PLCE1: variants seen among roughly 807,000 people sequenced by gnomAD.
PLCE1 encodes 1-phosphatidylinositol 4,5-bisphosphate phosphodiesterase epsilon-1.
PLCE1 carries 119 observed loss-of-function variants against 242.8 expected under a neutral mutation model. The ratio of observed to expected loss-of-function variants is 0.49; its 90% CI spans 0.42 to 0.57. The LOEUF is 0.57. Ranked by LOEUF, PLCE1 falls within the 20% of genes least tolerant of loss-of-function variation. The probability of loss-of-function intolerance (pLI) is 0.00; values close to 1 mark genes in which losing one functional copy is unlikely to be tolerated. For missense variants in PLCE1, 2,441 were observed against 2,788.8 expected, an observed-to-expected ratio of 0.88 and a Z score of 2.81; for synonymous variants, 945 against 1,017.4, an observed-to-expected ratio of 0.93 and a Z score of 1.35.
At chr10:94,107,218 T>G (rs1038153715) in intron 2 of PLCE1, 3 of 152,020 alleles carry the variant, frequency 2.0e-5, no homozygotes, top group African/African-American at 7.3e-5. Flanking sequence ...TGAGTGTGAT[T>G]AAGAAAGGAA....
chr10:94,138,748 T>C, intron 3 of PLCE1: 1 of 247,378 alleles, frequency 4.0e-6, no homozygotes, highest in Non-Finnish European at 7.9e-6. Context: ...TCCCATATAA[T>C]GACTACTTCA....
intron 32 of PLCE1, among the ~76,000 whole-genome samples, chr10:94,327,000 A>C (rs1175398160): frequency 1.3e-5 from 2 of 152,022 alleles, no homozygotes; most frequent in Non-Finnish European, 2.9e-5. Context: ...CTCTACTAAA[A>C]ATACAACAAC....
intron 2 of PLCE1, among the ~76,000 whole-genome samples, chr10:94,045,643 G>C (rs1443487949): frequency 6.6e-6 from 1 of 152,094 alleles, no homozygotes; most frequent in Admixed American, 6.5e-5. Context: ...TCACCTAGTA[G>C]GTTCTCTGTT....
chr10:94,279,010 A>T (rs1184417705), intron 19 of PLCE1, among the ~76,000 whole-genome samples: 1 of 152,044 alleles, frequency 6.6e-6, no homozygotes, highest in Non-Finnish European at 1.5e-5. Flanking sequence ...ATTTTTTCAT[A>T]TCTCATTCTC....
intron 23 of PLCE1, among the ~76,000 whole-genome samples, chr10:94,294,662 A>G (rs533250307): frequency 1.3e-5 from 2 of 152,312 alleles, no homozygotes; most frequent in Admixed American, 1.3e-4. Flanking sequence ...AAAATACTTT[A>G]TTGATACAAA....
At position 94,246,436 on chromosome 10, in the gene PLCE1, G is replaced by A; in HGVS notation, c.2911G>A (p.Gly971Ser). The A allele has an allele frequency of 1.2e-6, 2 of 1,614,180 alleles. No homozygotes were observed. The highest frequency in any genetic ancestry group is 1.7e-6 in the Non-Finnish European group (2 of 1,180,022). ...GGGTAGCATGTTCCTGTCAGAGACT[G>A]GTGTGACATTGCTCTATGGGCTTCA... ...KLGSMFLSET[G>S]VTLLYGLQTT... The change falls in exon 8 of 33, where the codon GGT becomes AGT. Residue 971 changes from glycine (G) to serine (S), a missense_variant. Physicochemically the swap from Gly to Ser is moderately conservative, Grantham distance 56. Coordinates refer to ENST00000371380, the MANE Select transcript of PLCE1 (RefSeq NM_016341.4).
Position 94,240,301 on chromosome 10 carries a change from C to A in PLCE1, c.2420+4181C>A, listed in dbSNP as rs966153803. On this transcript the variant is annotated intron_variant, in intron 7 of 32. Coordinates refer to ENST00000371380, the MANE Select transcript of PLCE1 (RefSeq NM_016341.4). The stretch of plus-strand genomic sequence containing the variant: ...CTTTAAGCAAACACTGCTCTAAATT[C>A]TTTCCATATATTAAACTATTTAATC... Among the ~76,000 whole-genome samples, 2 of 152,150 alleles carry A rather than the reference C, an allele frequency of 1.3e-5. 1 individual carries two copies. Among genetic ancestry groups the A allele is most frequent in the South Asian group, 4.1e-4 (2 of 4,832 alleles).
intron 2 of PLCE1, among the ~76,000 whole-genome samples, chr10:94,043,547 C>G (rs2134667169): frequency 6.6e-6 from 1 of 152,246 alleles, no homozygotes; most frequent in Non-Finnish European, 1.5e-5. Context: ...GGGAGCCAGC[C>G]TGTGGGAGTT....
intron 2 of PLCE1, among the ~76,000 whole-genome samples, chr10:94,049,122 T>C (rs1313926199): frequency 1.3e-5 from 2 of 152,134 alleles, no homozygotes; most frequent in South Asian, 2.1e-4. Context: ...CTTTCTCCTA[T>C]ATTTTAATTG....
chr10:94,144,361 T>C (rs903714602), intron 3 of PLCE1, among the ~76,000 whole-genome samples: 1 of 152,162 alleles, frequency 6.6e-6, no homozygotes, highest in South Asian at 2.1e-4. Flanking sequence ...AATCTTAGAT[T>C]TGAATGGAGG....
chr10:94,232,434 C>A (rs2050176916), intron 5 of PLCE1, among the ~76,000 whole-genome samples: 1 of 152,070 alleles, frequency 6.6e-6, no homozygotes, highest in Middle Eastern at 3.2e-3. Context: ...TGGGTGTCTG[C>A]AGAAAAGAAG....
In PLCE1 at chr10:94,324,526, G is replaced by A. The variant is rs542110825; in HGVS notation, c.6679G>A (p.Gly2227Ser). 1 of 1,614,128 alleles carries A rather than the reference G, an allele frequency of 6.2e-7. No individual in the cohort carries two copies. The highest frequency in any genetic ancestry group is 1.3e-5 in the African/African-American group (1 of 75,030). Residue 2227 changes from glycine (G) to serine (S), a missense_variant, in exon 31 of 33, where the codon GGT becomes AGT. Transcript: ENST00000371380. ...GTTTCAAGCCCAAAGCAAGTGGAAA[G>A]GTGCAGGAAAATTCATCCTTAAGCT... Reference protein sequence around the residue: ...CVFQAQSKWKGAGKFILKLKE... With the variant: ...CVFQAQSKWKSAGKFILKLKE...
chr10:94,310,475 G>GT (rs1320151234), intron 27 of PLCE1, among the ~76,000 whole-genome samples: 1 of 152,114 alleles, frequency 6.6e-6, no homozygotes, highest in African/African-American at 2.4e-5. Flanking sequence ...CCAGGCATCA[G>GT]TTTTTTTAAG....
At chr10:94,072,928 G>A (rs2044401561) in intron 2 of PLCE1, among the ~76,000 whole-genome samples, 1 of 152,120 alleles carries the variant, frequency 6.6e-6, no homozygotes, top group South Asian at 2.1e-4. Context: ...GCTGATGGGG[G>A]AGAGGGTGTA....
intron 1 of PLCE1, among the ~76,000 whole-genome samples, chr10:94,007,186 G>A (rs192933869): frequency 6.6e-5 from 10 of 152,252 alleles, no homozygotes; most frequent in African/African-American, 2.4e-4. Flanking sequence ...GAGAGGACAG[G>A]AGTCTGGTTT....
At chr10:94,198,460 A>G (rs958004131) in intron 4 of PLCE1, among the ~76,000 whole-genome samples, 10 of 152,216 alleles carry the variant, frequency 6.6e-5, no homozygotes, top group Admixed American at 6.5e-5. Flanking sequence ...TATAATTTAC[A>G]TACAATAGAA....
intron 20 of PLCE1, among the ~76,000 whole-genome samples, chr10:94,280,785 C>T (rs2052179819): frequency 1.3e-5 from 2 of 152,272 alleles, no homozygotes; most frequent in South Asian, 4.1e-4. Flanking sequence ...TTGTCTCATG[C>T]ATTAAGACAA....
intron 4 of PLCE1, among the ~76,000 whole-genome samples, chr10:94,218,277 T>C (rs1023465696): frequency 6.6e-6 from 1 of 152,176 alleles, no homozygotes; most frequent in South Asian, 2.1e-4. Flanking sequence ...ATTACATTGT[T>C]AGTTTTAAAA....
chr10:94,027,483 T>C (rs1030072376), intron 1 of PLCE1, among the ~76,000 whole-genome samples: 5 of 152,180 alleles, frequency 3.3e-5, no homozygotes, highest in Non-Finnish European at 5.9e-5. Flanking sequence ...ATTGCTTCGA[T>C]GTCTGTGTAT....
Sources: allele counts gnomAD v4.1 joint callset (sites outside exome capture counted in the v4.1 genomes callset), GRCh38; gene constraint gnomAD v4.1.1; transcripts MANE v1.5; gene names NCBI Gene and HGNC (gene_info 2026-07-23, HGNC 2026-07-21).